Variants in KCTD1 observed in about 807,000 individuals in gnomAD.
The protein encoded by KCTD1 is potassium channel tetramerization domain containing 1.
Under a neutral mutation model 66.0 loss-of-function variants are expected in KCTD1, and 24 were observed. The ratio of observed to expected loss-of-function variants is 0.36; its 90% CI spans 0.26 to 0.51. The LOEUF is 0.51. Among genes scored for constraint, KCTD1 ranks in the 20% least tolerant of loss-of-function variants. The probability of loss-of-function intolerance (pLI) is 0.95; values close to 1 mark genes in which losing one functional copy is unlikely to be tolerated. For missense variants in KCTD1, 943 were observed against 1,205.2 expected, an observed-to-expected ratio of 0.78 and a Z score of 3.22; for synonymous variants, 511 against 517.2, an observed-to-expected ratio of 0.99 and a Z score of 0.16.
chr18:26,606,515 T>C (rs1014899277), intron 1 of KCTD1, among the ~76,000 whole-genome samples: 10 of 152,198 alleles, frequency 6.6e-5, no homozygotes, highest in Admixed American at 2.6e-4. Flanking sequence ...ATGGAATGTG[T>C]GTGAAATAAC....
In KCTD1 at chr18:26,548,547, C is replaced by T. The variant is rs1052814330; in HGVS notation, c.-11G>A. 4.4e-5 allele frequency: 54 copies of T among 1,224,932 alleles called. No individual in the cohort carries two copies. Among genetic ancestry groups the T allele is most frequent in the Non-Finnish European group, 5.3e-5 (52 of 985,464 alleles). 75.9% of individuals were successfully genotyped at this position (1,224,932 alleles called of 1,614,324 possible). A position where few individuals can be genotyped will look rare whatever the true frequency, so the allele number is the denominator to read the frequency against. On this transcript the variant is annotated 5_prime_UTR_variant, in exon 1 of 5. Transcript: ENST00000580059. ...AGGCATTCTCGCCATATTGCCGTCT[C>T]TCTGCCAGTCCTCGGGCAGGGCGCA...
In KCTD1 at chr18:26,639,667, G is replaced by A. The variant is rs1000604758; in HGVS notation, c.-107+644C>T. ...CCATCGTAGTTATTGTGTAATGGGC[G>A]CTGATTATGTGCCTGGCTCCGTTAC... On this transcript the variant is annotated intron_variant, in intron 1 of 5. Transcript: ENST00000579973. 1.5e-4 allele frequency among the ~76,000 whole-genome samples: 23 copies of A among 152,216 alleles called. No individual in the cohort carries two copies. The Middle Eastern group carries it at 0.01, about 68-fold the overall frequency.
intron 1 of KCTD1, among the ~76,000 whole-genome samples, chr18:26,567,932 T>G (rs1345938075): frequency 2.6e-5 from 4 of 152,190 alleles, no homozygotes; most frequent in Admixed American, 2.0e-4. Context: ...GCAATGAAAT[T>G]ATATTTTTCA....
intron 4 of KCTD1, chr18:26,459,403 CTG>C (rs1467377034): frequency 1.9e-6 from 1 of 527,460 alleles, no homozygotes; most frequent in African/African-American, 1.9e-5. Flanking sequence ...TGTTCTATAT[CTG>C]TCTCTTCTGT....
chr18:26,546,048 A>C (rs1014613223), intron 1 of KCTD1, among the ~76,000 whole-genome samples: 1 of 152,136 alleles, frequency 6.6e-6, no homozygotes, highest in Non-Finnish European at 1.5e-5. Flanking sequence ...CAGTGCCCAC[A>C]GTGCTGGGCA....
intron 2 of KCTD1, among the ~76,000 whole-genome samples, chr18:26,498,276 G>A (rs774950610): frequency 1.3e-5 from 2 of 152,190 alleles, no homozygotes; most frequent in Admixed American, 6.5e-5. Context: ...CAGAGGGCAA[G>A]TCTAGGAAAG....
intron 1 of KCTD1, among the ~76,000 whole-genome samples, chr18:26,580,766 T>C (rs1373547515): frequency 6.6e-6 from 1 of 152,210 alleles, no homozygotes; most frequent in East Asian, 1.9e-4. Context: ...ATTTTACATT[T>C]TTTAATGGGT....
intron 1 of KCTD1, among the ~76,000 whole-genome samples, chr18:26,513,875 A>G (rs1290814155): frequency 1.3e-5 from 2 of 152,240 alleles, no homozygotes; most frequent in Non-Finnish European, 2.9e-5. Context: ...TGCAAAAAAG[A>G]GCTAACCCAG....
chr18:26,609,055 G>A (rs1024387915), intron 1 of KCTD1, among the ~76,000 whole-genome samples: 3 of 152,108 alleles, frequency 2.0e-5, no homozygotes, highest in African/African-American at 7.2e-5. Flanking sequence ...AGAGGACGAT[G>A]TCAAAACTGG....
At chr18:26,549,675 G>A, upstream of KCTD1, 1 of 977,704 alleles carries the variant, frequency 1.0e-6, no homozygotes, top group Non-Finnish European at 1.2e-6. Context: ...TTGTGTCTCG[G>A]CCGACCCTGC....
rs1317487807 is a variant in KCTD1, at chr18:26,546,732, GT to G, written c.1804del (p.Thr602ProfsTer12). 1 of 1,547,060 alleles carries G rather than the reference GT, an allele frequency of 6.5e-7. No homozygotes were observed. The highest frequency in any genetic ancestry group is 8.7e-7 in the Non-Finnish European group (1 of 1,145,304). ...CATAGAGTTTGGTTTGGTTACCTGG[GT>G]GGGGGAAACAATAGCAGGTGAAACT... ...TIVSPAIVSP[T>X]QDSRPNMSRP... On this transcript the variant is annotated frameshift_variant, in exon 1 of 5. Coordinates refer to ENST00000580059, the MANE Select transcript of KCTD1 (RefSeq NM_001142730.3). LOFTEE classifies it high-confidence loss of function.
intron 1 of KCTD1, among the ~76,000 whole-genome samples, chr18:26,522,039 A>AT (rs1217365659): frequency 1.3e-5 from 2 of 152,218 alleles, no homozygotes; most frequent in Admixed American, 6.5e-5. Flanking sequence ...TCACAACTGG[A>AT]TGCTTAGCCA....
chr18:26,494,078 T>A (rs1275238884), intron 2 of KCTD1, among the ~76,000 whole-genome samples: 1 of 152,090 alleles, frequency 6.6e-6, no homozygotes, highest in Non-Finnish European at 1.5e-5. Flanking sequence ...GTTGAAAGAA[T>A]GAAAGAACGG....
upstream of KCTD1, among the ~76,000 whole-genome samples, chr18:26,630,052 G>A (rs1374064886): frequency 1.3e-5 from 2 of 152,128 alleles, no homozygotes; most frequent in Non-Finnish European, 2.9e-5. Flanking sequence ...CCATATGAAA[G>A]ATCAGCAAGG....
At chr18:26,641,010 G>A (rs931467155), upstream of KCTD1, among the ~76,000 whole-genome samples, 8 of 152,254 alleles carry the variant, frequency 5.3e-5, no homozygotes, top group Middle Eastern at 3.4e-3. Flanking sequence ...CTGAATTTGT[G>A]TTTCTCCTCC....
intron 1 of KCTD1, among the ~76,000 whole-genome samples, chr18:26,587,393 C>A (rs1029781716): frequency 6.6e-5 from 10 of 152,120 alleles, no homozygotes; most frequent in African/African-American, 2.4e-4. Flanking sequence ...CCTAGTCACC[C>A]AGGAGTGCTG....
At chr18:26,491,146 T>A (rs762808188) in intron 2 of KCTD1, among the ~76,000 whole-genome samples, 1 of 152,136 alleles carries the variant, frequency 6.6e-6, no homozygotes, top group Non-Finnish European at 1.5e-5. Flanking sequence ...GTGTTCCATG[T>A]AGGAGTGTGA....
chr18:26,549,323 ACACGCCCC>A, upstream of KCTD1: 2 of 985,228 alleles, frequency 2.0e-6, no homozygotes, highest in Non-Finnish European at 2.4e-6. Context: ...AAGGAGCGAA[ACACGCCCC>A]ACGTCAGCCA....
At chr18:26,555,823 AAATAAACGATATG>A (rs1985694589) in intron 1 of KCTD1, among the ~76,000 whole-genome samples, 1 of 152,200 alleles carries the variant, frequency 6.6e-6, no homozygotes, top group African/African-American at 2.4e-5. Context: ...AATGATAGTG[AAATAAACGATATG>A]TACTTAAAGG....
Sources: allele counts gnomAD v4.1 joint callset (sites outside exome capture counted in the v4.1 genomes callset), GRCh38; gene constraint gnomAD v4.1.1; transcripts MANE v1.5; gene names NCBI Gene and HGNC (gene_info 2026-07-23, HGNC 2026-07-21).